Variants in ARHGAP29 observed in about 807,000 individuals in gnomAD.
ARHGAP29 encodes Rho GTPase activating protein 29, also known as rho GTPase-activating protein 29.
ARHGAP29 carries 43 observed loss-of-function variants against 122.6 expected under a neutral mutation model. The ratio of observed to expected loss-of-function variants is 0.35; its 90% CI spans 0.27 to 0.45. The LOEUF (loss-of-function observed/expected upper bound fraction) is 0.45. ARHGAP29 is among the 20% of genes least tolerant of loss of function. The pLI is 1.00. For missense variants in ARHGAP29, 1,303 were observed against 1,477.2 expected, an observed-to-expected ratio of 0.88 and a Z score of 1.93; for synonymous variants, 506 against 497.1, an observed-to-expected ratio of 1.02 and a Z score of -0.24.
At chr1:94,236,913 A>G (rs1000572293) in intron 1 of ARHGAP29, among the ~76,000 whole-genome samples, 2 of 152,110 alleles carry the variant, frequency 1.3e-5, no homozygotes, top group African/African-American at 4.8e-5. Context: ...ACAGACCCAT[A>G]GTGATCAGGA....
At chr1:94,280,127 A>C in the ARHGAP29 span, among the ~76,000 whole-genome samples, 1 of 151,928 alleles carries the variant, frequency 6.6e-6, no homozygotes. Flanking sequence ...AGGGAAATTA[A>C]ATTTCTTTAC....
At chr1:94,273,576 G>T (rs1008410567) in intron 1 of ARHGAP29, among the ~76,000 whole-genome samples, 2 of 152,124 alleles carry the variant, frequency 1.3e-5, no homozygotes, top group African/African-American at 4.8e-5. Flanking sequence ...AGAGGCAATT[G>T]AAATAATATG....
At chr1:94,237,896 CTT>C (rs1343519187), upstream of ARHGAP29, 13 of 425,338 alleles carry the variant, frequency 3.1e-5, no homozygotes, top group Admixed American at 8.3e-4. Context: ...TTATGAGACA[CTT>C]CTGTGGATCG....
At chr1:94,250,532 C>CT (rs1213513959) in intron 1 of ARHGAP29, 3 of 152,148 alleles carry the variant, frequency 2.0e-5, no homozygotes, top group Non-Finnish European at 4.4e-5. Flanking sequence ...GACTCAGAGT[C>CT]TAACAGGCCA....
rs1648993030 is a variant in ARHGAP29, at chr1:94,174,851, A to C, written c.2906-102T>G. The C allele has an allele frequency of 3.1e-6, 4 of 1,305,860 alleles. No homozygotes were observed. The South Asian group carries it at 4.4e-5, about 14-fold the overall frequency. The allele number at this position is 1,305,860 out of a possible 1,614,324, so 80.9% of individuals were successfully genotyped here. On this transcript the variant is annotated intron_variant, in intron 22 of 22. Coordinates refer to ENST00000260526, the MANE Select transcript of ARHGAP29 (RefSeq NM_004815.4). Reference sequence around the variant, plus strand: ...TCTATCAAGACAATATGAGTCTTACATATTTTTTCCAAAATAATATTCTCA... The same window carrying C: ...TCTATCAAGACAATATGAGTCTTACCTATTTTTTCCAAAATAATATTCTCA...
chr1:94,202,191 T>C (rs1650890767), intron 11 of ARHGAP29: 4 of 469,954 alleles, frequency 8.5e-6, no homozygotes, highest in African/African-American at 2.0e-5. Flanking sequence ...TGCCTATCCT[T>C]GCTATCAGGT....
upstream of ARHGAP29, chr1:94,237,653 G>T (rs1410091545): frequency 2.0e-6 from 2 of 986,312 alleles, no homozygotes. Flanking sequence ...GCCCCCTGGA[G>T]CCCAGCCCAT....
chr1:94,197,756 G>C (rs1250914064), intron 12 of ARHGAP29, among the ~76,000 whole-genome samples: 2 of 152,210 alleles, frequency 1.3e-5, no homozygotes, highest in East Asian at 3.9e-4. Context: ...AAAACCACAT[G>C]TATCAAATAA....
intron 1 of ARHGAP29, among the ~76,000 whole-genome samples, chr1:94,243,917 TAAC>T (rs56387530): frequency 0.88 from 134,065 of 151,764 alleles, 59,418 homozygotes; most frequent in Non-Finnish European, 0.92. Flanking sequence ...CCAATAAACT[TAAC>T]AACTCAGATG....
the ARHGAP29 span, among the ~76,000 whole-genome samples, chr1:94,283,835 A>T: frequency 2.0e-5 from 3 of 152,248 alleles, no homozygotes; most frequent in African/African-American, 7.2e-5. Context: ...ATACTATCAA[A>T]TGATAGCATA....
intron 2 of ARHGAP29, among the ~76,000 whole-genome samples, chr1:94,227,549 T>C (rs1248938465): frequency 1.3e-5 from 2 of 151,838 alleles, no homozygotes; most frequent in Non-Finnish European, 3.0e-5. Flanking sequence ...TGGCAGTTAA[T>C]ATTTCCAAGC....
the ARHGAP29 span, among the ~76,000 whole-genome samples, chr1:94,308,333 C>T: frequency 0.017 from 2,567 of 152,222 alleles, 31 homozygotes; most frequent in Non-Finnish European, 0.022. Context: ...CTTCCCCATC[C>T]GCTGCTTCAG....
intron 12 of ARHGAP29, 89 bp downstream of exon 12, chr1:94,201,631 C>A: frequency 6.5e-7 from 1 of 1,530,620 alleles, no homozygotes. Flanking sequence ...CCTCAGCCTC[C>A]CAAAGTGCTG....
chr1:94,205,071 C>CT lies in ARHGAP29; in HGVS notation c.686dup (p.Leu230AlafsTer2). On this transcript the variant is annotated frameshift_variant, in exon 7 of 23. Transcript: ENST00000260526. LOFTEE classifies it high-confidence loss of function. Reference sequence around the variant, plus strand: ...TAAAAGGCAACTCACCCAAGTTAAGCTTTTTTTCAACCCATGAAACTATGT... The same window carrying CT: ...TAAAAGGCAACTCACCCAAGTTAAGCTTTTTTTTCAACCCATGAAACTATGT... 3.2e-6 allele frequency: 5 copies of CT among 1,562,826 alleles called. No homozygotes were observed. Among genetic ancestry groups the CT allele is most frequent in the East Asian group, 2.4e-5 (1 of 42,234 alleles).
intron 1 of ARHGAP29, among the ~76,000 whole-genome samples, chr1:94,257,317 A>G (rs1654396840): frequency 6.6e-6 from 1 of 152,044 alleles, no homozygotes; most frequent in South Asian, 2.1e-4. Context: ...CAGGAGAATC[A>G]CTTGAACCCT....
chr1:94,220,415 T>C, intron 2 of ARHGAP29, 23 bp from the exon 3 acceptor site: 1 of 1,547,714 alleles, frequency 6.5e-7, no homozygotes, highest in South Asian at 1.2e-5. Flanking sequence ...AAAAAAATAA[T>C]TTATTTCCAG....
the ARHGAP29 span, among the ~76,000 whole-genome samples, chr1:94,313,088 C>G: frequency 3.3e-5 from 5 of 152,198 alleles, no homozygotes; most frequent in Admixed American, 1.3e-4. Context: ...ACTTGAACTT[C>G]TGATCTTTGC....
chr1:94,208,964 A>C, intron 4 of ARHGAP29, 60 bp from the exon 5 acceptor site: 1 of 1,423,210 alleles, frequency 7.0e-7, no homozygotes, highest in Non-Finnish European at 9.8e-7. Context: ...GACAGGGTTT[A>C]CATTCAACAT....
the ARHGAP29 span, among the ~76,000 whole-genome samples, chr1:94,300,261 C>A: frequency 6.6e-6 from 1 of 152,284 alleles, no homozygotes; most frequent in Non-Finnish European, 1.5e-5. Context: ...TGAGCAGAGT[C>A]ACAGAGAGGT....
Sources: allele counts gnomAD v4.1 joint callset (sites outside exome capture counted in the v4.1 genomes callset), GRCh38; gene constraint gnomAD v4.1.1; transcripts MANE v1.5; gene names NCBI Gene and HGNC (gene_info 2026-07-23, HGNC 2026-07-21).